The following BIRC7 variants were observed in gnomAD, a reference collection of about 807,000 sequenced individuals.
The protein encoded by BIRC7 is baculoviral IAP repeat containing 7, also known as baculoviral IAP repeat-containing protein 7.
Under a neutral mutation model 33.2 loss-of-function variants are expected in BIRC7, and 26 were observed. That is an observed-to-expected ratio of 0.78 (90% CI 0.57 to 1.09). The LOEUF (loss-of-function observed/expected upper bound fraction) is 1.09, where lower values mean the gene tolerates loss of function less well. Among genes scored for constraint, BIRC7 ranks in the 50% least tolerant of loss-of-function variants. The probability of loss-of-function intolerance (pLI) is 0.00; values close to 1 mark genes in which losing one functional copy is unlikely to be tolerated. For synonymous variants in BIRC7, 176 were observed against 171.0 expected, an observed-to-expected ratio of 1.03 and a Z score of -0.23; for missense variants, 409 against 401.2, an observed-to-expected ratio of 1.02 and a Z score of -0.17.
chr20:63,239,717 T>G (rs888787493), intron 6 of BIRC7, 107 bp downstream of exon 6: 1 of 1,393,718 alleles, frequency 7.2e-7, no homozygotes, highest in African/African-American at 1.5e-5. Context: ...GGTGGCAGCG[T>G]CAGCTTGTTT....
In BIRC7 at chr20:63,239,486, G is replaced by C. The variant is rs149691951; in HGVS notation, c.778G>C (p.Val260Leu). 1.2e-6 allele frequency: 2 copies of C among 1,606,860 alleles called. No individual in the cohort carries two copies. Among genetic ancestry groups the C allele is most frequent in the South Asian group, 2.2e-5 (2 of 91,076 alleles). The change falls in exon 6 of 7, where the codon GTG becomes CTG. Residue 260 changes from valine (V) to leucine (L), a missense_variant. Transcript: ENST00000217169. ...GTGCAAGGTGTGCCTGGACCGCGCC[G>C]TGTCCATCGTCTTTGTGCCGTGCGG... ...RTCKVCLDRA[V>L]SIVFVPCGHL...
rs767039134 is a variant in BIRC7 at position 63,239,484 on chromosome 20, C to T, written c.776C>T (p.Ala259Val). The change falls in exon 6 of 7, where the codon GCC (alanine) becomes GTC (valine). Residue 259 changes from alanine (A) to valine (V), a missense_variant. Coordinates refer to ENST00000217169, the MANE Select transcript of BIRC7 (RefSeq NM_139317.3). ...ACGTGCAAGGTGTGCCTGGACCGCG[C>T]CGTGTCCATCGTCTTTGTGCCGTGC... ...ERTCKVCLDR[A>V]VSIVFVPCGH... 8.7e-6 allele frequency: 14 copies of T among 1,606,872 alleles called. No homozygotes were observed. Among genetic ancestry groups the T allele is most frequent in the Non-Finnish European group, 1.1e-5 (13 of 1,179,852 alleles).
At chr20:63,237,253 C>A in intron 1 of BIRC7, among the ~76,000 whole-genome samples, 1 of 152,222 alleles carries the variant, frequency 6.6e-6, no homozygotes, top group Non-Finnish European at 1.5e-5. Flanking sequence ...CACCCACCTC[C>A]CTGGAAGTCC....
Position 63,236,314 on chromosome 20 carries a change from C to G in BIRC7, c.218C>G (p.Ala73Gly). The change falls in exon 1 of 7, where the codon GCC becomes GGC. Residue 73 changes from alanine to glycine, a missense_variant. Coordinates refer to ENST00000217169, the MANE Select transcript of BIRC7 (RefSeq NM_139317.3). ...TEEEEEEGAG[A>G]TLSRGPAFPG... Reference sequence around the variant, plus strand: ...GAGGAAGAGGAGGAGGGCGCCGGGGCCACCTTGTCCAGGGGGCCTGCCTTC... The same window carrying G: ...GAGGAAGAGGAGGAGGGCGCCGGGGGCACCTTGTCCAGGGGGCCTGCCTTC... The G allele has an allele frequency of 6.2e-7, 1 of 1,609,174 alleles. No homozygotes were observed. Among genetic ancestry groups the G allele is most frequent in the African/African-American group, 1.3e-5 (1 of 74,998 alleles).
intron 2 of BIRC7, 55 bp downstream of exon 2, chr20:63,238,057 C>T: frequency 4.8e-6 from 7 of 1,447,860 alleles, no homozygotes; most frequent in Non-Finnish European, 6.5e-6. Flanking sequence ...GGGTGGGCCC[C>T]CAACGGCTCT....
At chr20:63,239,292 ACCTT>A (rs746077865) in intron 5 of BIRC7, 59 bp downstream of exon 5, 2 of 1,607,002 alleles carry the variant, frequency 1.2e-6, no homozygotes, top group South Asian at 2.2e-5. Context: ...AGGGACCCCG[ACCTT>A]CCATGGCCCA....
intron 4 of BIRC7, 95 bp from the exon 5 acceptor site, chr20:63,239,067 C>A: frequency 7.6e-7 from 1 of 1,316,416 alleles, no homozygotes; most frequent in Non-Finnish European, 1.1e-6. Flanking sequence ...CCACTCCCGG[C>A]CAGAACTGGA....
At chr20:63,238,821 CCATT>C in intron 4 of BIRC7, 2 of 683,370 alleles carry the variant, frequency 2.9e-6, no homozygotes, top group Non-Finnish European at 4.9e-6. Context: ...GTGCCAGGCC[CCATT>C]CTGCTTCTCT....
rs2066717648 is a variant in BIRC7, at chr20:63,239,431, G to GC, written c.724dup (p.Gln242ProfsTer33). 6.2e-7 allele frequency: 1 copy of GC among 1,606,308 alleles called. No individual in the cohort carries two copies. The highest frequency in any genetic ancestry group is 1.3e-5 in the African/African-American group (1 of 74,908). ...CCCCAGGAGCCAGGGATGTGGAGGC[G>GC]CAGCTGCGGCGGCTGCAGGAGGAGA... On this transcript the variant is annotated frameshift_variant, in exon 6 of 7. Transcript: ENST00000217169. LOFTEE classifies it high-confidence loss of function.
intron 1 of BIRC7, among the ~76,000 whole-genome samples, chr20:63,237,288 C>G (rs2066695879): frequency 6.6e-6 from 1 of 152,224 alleles, no homozygotes; most frequent in African/African-American, 2.4e-5. Flanking sequence ...AAAGGCCAGG[C>G]AAGAGGCATG....
intron 1 of BIRC7, 46 bp from the exon 2 acceptor site, chr20:63,237,857 G>C (rs2066700663): frequency 6.6e-7 from 1 of 1,523,226 alleles, no homozygotes; most frequent in African/African-American, 1.4e-5. Context: ...GGGGGCCCGG[G>C]GACTGGGTGG....
At chr20:63,239,303 C>T (rs1395970265) in intron 5 of BIRC7, 55 bp from the exon 6 acceptor site, 1 of 1,605,824 alleles carries the variant, frequency 6.2e-7, no homozygotes, top group Non-Finnish European at 8.5e-7. Flanking sequence ...CCTTCCATGG[C>T]CCATAGAGGG....
Position 63,239,189 on chromosome 20 carries a change from C to T in BIRC7, c.605C>T (p.Pro202Leu). ...SVPASGYPEL[P>L]TPRREVQSES... ...CCTGCCTCTGGGTACCCTGAGCTGC[C>T]CACACCCAGGAGAGAGGTCCAGTCT... The change falls in exon 5 of 7, where the codon CCC (proline) becomes CTC (leucine). Residue 202 changes from proline to leucine, a missense_variant. Transcript: ENST00000217169. The T allele has an allele frequency of 6.2e-7, 1 of 1,612,838 alleles. No homozygotes were observed. Among genetic ancestry groups the T allele is most frequent in the Non-Finnish European group, 8.5e-7 (1 of 1,179,978 alleles).
intron 1 of BIRC7, among the ~76,000 whole-genome samples, chr20:63,237,141 C>G (rs6090321): frequency 0.61 from 92,214 of 152,038 alleles, 28,375 homozygotes; most frequent in East Asian, 0.86. Flanking sequence ...TGGGCTCTGG[C>G]GGGGCACCAT....
Position 63,238,003 on chromosome 20 carries a change from G to C in BIRC7, c.449+1G>C, listed in dbSNP as rs2066702291. The C allele has an allele frequency of 6.3e-7, 1 of 1,590,250 alleles. No homozygotes were observed. Among genetic ancestry groups the C allele is most frequent in the African/African-American group, 1.4e-5 (1 of 73,698 alleles). On this transcript the variant is annotated splice_donor_variant, in intron 2 of 6. Transcript: ENST00000217169. LOFTEE classifies it high-confidence loss of function. The stretch of plus-strand genomic sequence containing the variant: ...CGGAGCATGCCAAGTGGTTCCCCAG[G>C]TACCGGCTGCCCCTGCGGGGCCCCG...
At chr20:63,236,832 C>T (rs1254388564) in intron 1 of BIRC7, among the ~76,000 whole-genome samples, 1 of 152,242 alleles carries the variant, frequency 6.6e-6, no homozygotes, top group Non-Finnish European at 1.5e-5. Flanking sequence ...GTTTAAAGAA[C>T]AGGATCAGGG....
At chr20:63,238,247 C>A (rs755498636) in intron 2 of BIRC7, 149 bp from the exon 3 acceptor site, 1 of 992,856 alleles carries the variant, frequency 1.0e-6, no homozygotes, top group Non-Finnish European at 1.6e-6. Context: ...CCCATGGAGG[C>A]GTCTCCACAG....
chr20:63,238,353 TG>T, intron 2 of BIRC7, 42 bp from the exon 3 acceptor site: 1 of 1,606,616 alleles, frequency 6.2e-7, no homozygotes. Context: ...AAGCAGACAG[TG>T]GGGGCCCTGA....
At chr20:63,236,658 C>T (rs528007469) in intron 1 of BIRC7, among the ~76,000 whole-genome samples, 3 of 152,284 alleles carry the variant, frequency 2.0e-5, no homozygotes, top group African/African-American at 7.2e-5. Flanking sequence ...TGTTTCAGAC[C>T]GTGGGATGTG....
Sources: allele counts gnomAD v4.1 joint callset (sites outside exome capture counted in the v4.1 genomes callset), GRCh38; gene constraint gnomAD v4.1.1; transcripts MANE v1.5; gene names NCBI Gene and HGNC (gene_info 2026-07-23, HGNC 2026-07-21).